The following RCC1L variants were observed in gnomAD, a reference collection of about 807,000 sequenced individuals.
RCC1L encodes RCC1-like G exchanging factor-like protein.
RCC1L carries 46 observed loss-of-function variants against 58.6 expected under a neutral mutation model. That is an observed-to-expected ratio of 0.79 (90% CI 0.62 to 1.00). RCC1L has a LOEUF of 1.00. Among genes scored for constraint, RCC1L ranks in the 50% least tolerant of loss-of-function variants. The pLI is 0.00. For missense variants in RCC1L, 636 were observed against 623.6 expected (o/e 1.02, Z -0.21); for synonymous variants, 281 against 262.9 (o/e 1.07, Z -0.67).
intron 2 of RCC1L, 129 bp from the exon 3 acceptor site, chr7:75,066,921 T>C (rs935544716): frequency 1.6e-6 from 2 of 1,280,826 alleles, no homozygotes; most frequent in Non-Finnish European, 2.0e-6. Flanking sequence ...GACAGGTAAG[T>C]TAGGCGCAGA....
At chr7:75,028,012 C>T (rs888464237) in exon 11 of RCC1L, 11 of 1,534,546 alleles carry the variant, frequency 7.2e-6, no homozygotes, top group African/African-American at 2.7e-5. Context: ...ACCTGTTTGC[C>T]GTCCATCCCC....
At chr7:75,066,816 T>C in intron 2 of RCC1L, 24 bp from the exon 3 acceptor site, 2 of 1,590,048 alleles carry the variant, frequency 1.3e-6, no homozygotes, top group South Asian at 1.1e-5. Context: ...AGGACACTGA[T>C]TGAGGCATGC....
At chr7:75,052,254 C>G (rs1805935093) in intron 10 of RCC1L, among the ~76,000 whole-genome samples, 1 of 152,210 alleles carries the variant, frequency 6.6e-6, no homozygotes, top group East Asian at 1.9e-4. Flanking sequence ...CTGTAAACAG[C>G]TTCTAGCGTG....
At chr7:75,028,153 T>C in intron 10 of RCC1L, 1 of 1,368,738 alleles carries the variant, frequency 7.3e-7, no homozygotes, top group East Asian at 2.5e-5. Flanking sequence ...AGTCTTGCTC[T>C]GTCGCCCAGG....
At position 75,063,346 on chromosome 7, in the gene RCC1L, A is replaced by G; in HGVS notation, c.651-3T>C. 6.2e-7 allele frequency: 1 copy of G among 1,613,794 alleles called. No homozygotes were observed. Among genetic ancestry groups the G allele is most frequent in the South Asian group, 1.1e-5 (1 of 91,064 alleles). ...TCCTGTGGACTCTGTGACTTTCACT[A>G]CAGCCAGGAACAAATTGGGAAGAAG... On this transcript the variant is annotated splice_polypyrimidine_tract_variant and splice_region_variant and intron_variant, in intron 4 of 10. Transcript: ENST00000610322.
chr7:75,064,507 T>C, intron 4 of RCC1L, 75 bp downstream of exon 4: 1 of 1,570,244 alleles, frequency 6.4e-7, no homozygotes, highest in Non-Finnish European at 8.8e-7. Context: ...CCCGCGGGTT[T>C]ACCACAGTCA....
intron 10 of RCC1L, among the ~76,000 whole-genome samples, chr7:75,034,819 A>AT (rs1563069455): frequency 6.6e-6 from 1 of 151,640 alleles, no homozygotes; most frequent in African/African-American, 2.4e-5. Context: ...TGTTTGGCTA[A>AT]TTTTTTTATT....
downstream of RCC1L, among the ~76,000 whole-genome samples, chr7:75,041,791 G>T (rs1008831200): frequency 2.5e-3 from 379 of 151,754 alleles, 8 homozygotes; most frequent in East Asian, 0.047. Flanking sequence ...TTGAACCCAG[G>T]GGGTGGAGGT....
Position 75,063,276 on chromosome 7 carries a change from G to A in RCC1L, c.702+16C>T, listed in dbSNP as rs1242558624. The A allele has an allele frequency of 1.5e-5, 25 of 1,613,678 alleles. No individual in the cohort carries two copies. The East Asian group carries it at 3.1e-4, about 20-fold the overall frequency. On this transcript the variant is annotated intron_variant, in intron 5 of 10. Transcript: ENST00000610322. ...CCCAGGAACACAACAAGCAGCTCTC[G>A]GCCCATCTCTCTTACCTGGACCACC... is the stretch of plus-strand genomic sequence containing the variant.
intron 10 of RCC1L, among the ~76,000 whole-genome samples, chr7:75,031,291 C>T (rs1014411568): frequency 9.9e-5 from 15 of 152,224 alleles, no homozygotes; most frequent in African/African-American, 3.1e-4. Context: ...CCTGGCGTGC[C>T]CGGGTCACCA....
intron 10 of RCC1L, among the ~76,000 whole-genome samples, chr7:75,049,177 T>A (rs1196441006): frequency 1.3e-5 from 2 of 152,152 alleles, no homozygotes; most frequent in Admixed American, 1.3e-4. Context: ...ATATATCCCC[T>A]ACGGAAGATT....
chr7:75,029,634 C>T (rs979703200), intron 10 of RCC1L, among the ~76,000 whole-genome samples: 3 of 152,090 alleles, frequency 2.0e-5, no homozygotes, highest in African/African-American at 7.2e-5. Context: ...ATGAGATACC[C>T]CGCCTGGCCA....
chr7:75,055,595 C>T, intron 9 of RCC1L: 1 of 408,148 alleles, frequency 2.5e-6, no homozygotes, highest in Non-Finnish European at 4.6e-6. Flanking sequence ...TGGTTTCCTC[C>T]AGCACCCGAC....
intron 10 of RCC1L, among the ~76,000 whole-genome samples, chr7:75,035,183 G>T (rs1244891594): frequency 2.0e-5 from 3 of 152,116 alleles, no homozygotes; most frequent in African/African-American, 7.2e-5. Flanking sequence ...GGCACACACT[G>T]CCACACCCAG....
In RCC1L at chr7:75,073,746, C is replaced by T. The variant is rs1554446602; in HGVS notation, c.-9G>A. The stretch of plus-strand genomic sequence containing the variant: ...AACGCCACCAGCGCCATCCTCCGTT[C>T]CGCGCCTCAGCAGCCTCTGGGCGCC... On this transcript the variant is annotated 5_prime_UTR_variant, in exon 1 of 11. Transcript: ENST00000610322. The T allele has an allele frequency of 3.3e-6, 5 of 1,500,022 alleles. No individual in the cohort carries two copies. The highest frequency in any genetic ancestry group is 4.4e-6 in the Non-Finnish European group (5 of 1,131,974). 92.9% of individuals were successfully genotyped at this position (1,500,022 alleles called of 1,614,324 possible).
chr7:75,047,208 G>A (rs952326448), intron 10 of RCC1L, among the ~76,000 whole-genome samples: 1 of 152,238 alleles, frequency 6.6e-6, no homozygotes, highest in Admixed American at 6.5e-5. Context: ...CGCCCGCCTC[G>A]GCACCCCCAA....
chr7:75,036,817 T>C (rs1160338136), intron 10 of RCC1L, among the ~76,000 whole-genome samples: 1 of 152,054 alleles, frequency 6.6e-6, no homozygotes, highest in African/African-American at 2.4e-5. Flanking sequence ...GGAGAATCAC[T>C]TGAACCACCC....
Position 75,073,483 on chromosome 7 carries a change from C to T in RCC1L, c.255G>A (p.Gly85=), listed in dbSNP as rs782765628. The change falls in exon 1 of 11, where the codon GGG becomes GGA. Residue 85 remains glycine, a synonymous_variant. Coordinates refer to ENST00000610322, the MANE Select transcript of RCC1L (RefSeq NM_030798.5). ...GGCGCGGTCGGGCGCCGGCGCGGGG[C>T]CCGGGCCCGGAGCTGGGCACCACAA... The part of the protein sequence containing the change: ...PSFVVPSSGP[G]PRAGARPRRR... 82 of 1,385,680 alleles carry T rather than the reference C, an allele frequency of 5.9e-5. No homozygotes were observed. The African/African-American group carries it at 1.1e-3, about 18-fold the overall frequency. 85.8% of individuals were successfully genotyped at this position (1,385,680 alleles called of 1,614,324 possible).
intron 9 of RCC1L, among the ~76,000 whole-genome samples, chr7:75,055,414 T>C (rs1806044156): frequency 6.6e-6 from 1 of 152,194 alleles, no homozygotes; most frequent in Non-Finnish European, 1.5e-5. Context: ...CCCGGCACTT[T>C]GGAGAAATCG....
Sources: allele counts gnomAD v4.1 joint callset (sites outside exome capture counted in the v4.1 genomes callset), GRCh38; gene constraint gnomAD v4.1.1; transcripts MANE v1.5; gene names NCBI Gene and HGNC (gene_info 2026-07-23, HGNC 2026-07-21).